Variants in PCDHGA9 observed in about 807,000 individuals in gnomAD.
The protein encoded by PCDHGA9 is protocadherin gamma-A9.
Under a neutral mutation model 62.5 loss-of-function variants are expected in PCDHGA9, and 37 were observed. That is an observed-to-expected ratio of 0.59 (90% CI 0.46 to 0.78). PCDHGA9 has a LOEUF of 0.78. PCDHGA9 is among the 30% of genes least tolerant of loss of function. The pLI, the probability that PCDHGA9 is intolerant of heterozygous loss-of-function variation, is 0.00. For missense variants in PCDHGA9, 1,138 were observed against 1,166.2 expected (o/e 0.98, Z 0.35); for synonymous variants, 459 against 484.6 (o/e 0.95, Z 0.69).
chr5:141,497,919 T>G (rs762168347), intron 2 of PCDHGA9, among the ~76,000 whole-genome samples: 11 of 152,206 alleles, frequency 7.2e-5, no homozygotes, highest in Non-Finnish European at 1.6e-4. Flanking sequence ...TCTCCTTCAT[T>G]CATTCAACAA....
rs187488785 is a variant in PCDHGA9 at position 141,461,744 on chromosome 5, C to T, written c.2425-33063C>T. 5.9e-5 allele frequency among the ~76,000 whole-genome samples: 9 copies of T among 152,302 alleles called. No individual in the cohort carries two copies. The East Asian group carries it at 1.7e-3, about 29-fold the overall frequency. On this transcript the variant is annotated intron_variant, in intron 1 of 3. Transcript: ENST00000573521. ...GGAGTGCAGTGGCACAATCCCGGCT[C>T]CCAGATTCAAGCGATTCTCCTGCCT...
intron 1 of PCDHGA9, among the ~76,000 whole-genome samples, chr5:141,468,079 C>A (rs2099157359): frequency 6.6e-6 from 1 of 151,986 alleles, no homozygotes; most frequent in African/African-American, 2.4e-5. Context: ...AATCCCAGCA[C>A]TTTGGGAGGT....
chr5:141,410,553 C>T, intron 1 of PCDHGA9: 1 of 1,613,232 alleles, frequency 6.2e-7, no homozygotes. Context: ...TGCAGTGTTT[C>T]TCCTGGAGCC....
intron 1 of PCDHGA9, chr5:141,427,922 G>A: frequency 6.3e-7 from 1 of 1,580,742 alleles, no homozygotes; most frequent in Non-Finnish European, 8.6e-7. Flanking sequence ...ACATGAGCCG[G>A]CGCATGTTGG....
intron 1 of PCDHGA9, among the ~76,000 whole-genome samples, chr5:141,468,946 C>T (rs1437282358): frequency 7.0e-6 from 1 of 141,900 alleles, no homozygotes; most frequent in East Asian, 2.0e-4. Context: ...ATGGGGTAAA[C>T]CTGTGGTTTT....
At chr5:141,430,595 G>C (rs549786394) in intron 1 of PCDHGA9, 1 of 567,016 alleles carries the variant, frequency 1.8e-6, no homozygotes. Flanking sequence ...CCTTGCACGC[G>C]CCTGAAGCAC....
Position 141,403,672 on chromosome 5 carries a change from G to A in PCDHGA9, c.720G>A (p.Pro240=). Residue 240 remains proline (P), a synonymous_variant, in exon 1 of 4, where the codon CCG becomes CCA. Transcript: ENST00000573521. ...VTVLDTNDNA[P]VFAQRIYRVK... is the part of the protein sequence containing the mutation. ...TGTTGGATACAAATGATAATGCCCC[G>A]GTTTTTGCTCAACGGATTTACCGAG... The A allele has an allele frequency of 6.2e-7, 1 of 1,613,846 alleles. No homozygotes were observed. The highest frequency in any genetic ancestry group is 8.5e-7 in the Non-Finnish European group (1 of 1,179,880).
intron 1 of PCDHGA9, among the ~76,000 whole-genome samples, chr5:141,452,760 G>A (rs920853226): frequency 3.3e-5 from 5 of 152,120 alleles, no homozygotes; most frequent in Non-Finnish European, 7.4e-5. Context: ...AAGGAAGGGA[G>A]GGAGGGAAAA....
rs370503146 is a variant in PCDHGA9 at position 141,511,012 on chromosome 5, G to A, written c.2638G>A (p.Gly880Arg). 11 of 1,614,060 alleles carry A rather than the reference G, an allele frequency of 6.8e-6. No individual in the cohort carries two copies. Among genetic ancestry groups the A allele is most frequent in the Middle Eastern group, 1.6e-4 (1 of 6,084 alleles). ...AGTMGLSARYGPQFTLQHVPD... is the reference protein window; with the variant it reads ...AGTMGLSARYRPQFTLQHVPD... The stretch of plus-strand genomic sequence containing the variant: ...CACCATGGGATTGAGCGCCCGCTAC[G>A]GACCCCAGTTCACCCTGCAGCACGT... The change falls in exon 4 of 4, where the codon GGA (glycine) becomes AGA (arginine). Residue 880 changes from glycine (G) to arginine (R), a missense_variant. Transcript: ENST00000573521.
At chr5:141,434,489 C>T (rs921000136) in intron 1 of PCDHGA9, among the ~76,000 whole-genome samples, 4 of 152,158 alleles carry the variant, frequency 2.6e-5, no homozygotes, top group Non-Finnish European at 4.4e-5. Flanking sequence ...ACACCTGGCC[C>T]GCCCAGGGCA....
intron 1 of PCDHGA9, among the ~76,000 whole-genome samples, chr5:141,445,652 A>C (rs1307606419): frequency 6.6e-6 from 1 of 152,212 alleles, no homozygotes; most frequent in African/African-American, 2.4e-5. Context: ...TGAATAGATT[A>C]ATAGGATGAG....
At chr5:141,450,810 AT>A (rs755484062) in intron 1 of PCDHGA9, among the ~76,000 whole-genome samples, 1 of 136,728 alleles carries the variant, frequency 7.3e-6, no homozygotes, top group Admixed American at 7.3e-5. Context: ...TTATTTATTT[AT>A]TTAATATTAT....
chr5:141,442,650 G>A (rs192694987), intron 1 of PCDHGA9, among the ~76,000 whole-genome samples: 83 of 152,350 alleles, frequency 5.4e-4, no homozygotes, highest in Admixed American at 9.1e-4. Flanking sequence ...CCTAAGATGA[G>A]AAATATTTGG....
chr5:141,415,761 T>A (rs1047830043), intron 1 of PCDHGA9: 2 of 1,399,648 alleles, frequency 1.4e-6, no homozygotes, highest in African/African-American at 3.0e-5. Context: ...TTTTTTTTTT[T>A]TTTTTTTTTT....
chr5:141,501,836 T>G (rs2099811283), intron 2 of PCDHGA9, among the ~76,000 whole-genome samples: 1 of 152,136 alleles, frequency 6.6e-6, no homozygotes, highest in Non-Finnish European at 1.5e-5. Context: ...CCCACCTGTT[T>G]GGCCCTCAAC....
chr5:141,487,826 T>C lies in PCDHGA9; in HGVS notation c.2425-6981T>C, dbSNP rs1321152837. 24 of 1,187,814 alleles carry C rather than the reference T, an allele frequency of 2.0e-5. No homozygotes were observed. The highest frequency in any genetic ancestry group is 2.8e-5 in the Non-Finnish European group (24 of 856,356). The allele number at this position is 1,187,814 out of a possible 1,614,324, so 73.6% of individuals were successfully genotyped here. On this transcript the variant is annotated intron_variant, in intron 1 of 3. Coordinates refer to ENST00000573521, the MANE Select transcript of PCDHGA9 (RefSeq NM_018921.3). The surrounding 1 kb of genome is among the most constrained non-coding windows in gnomAD (Gnocchi z 5.0). ...ACAGTTTAGCATTGGGGGCGGGTCA[T>C]GCCTATATCTGAGTAAGAAATGAAA... is the stretch of plus-strand genomic sequence containing the variant.
At chr5:141,502,291 G>A (rs1346186675) in intron 2 of PCDHGA9, among the ~76,000 whole-genome samples, 1 of 151,370 alleles carries the variant, frequency 6.6e-6, no homozygotes, top group African/African-American at 2.5e-5. Context: ...GCATTTGGTT[G>A]TCACGTCTTT....
Position 141,491,648 on chromosome 5 carries a change from T to A in PCDHGA9, c.2425-3159T>A. 6.2e-7 allele frequency: 1 copy of A among 1,613,834 alleles called. No individual in the cohort carries two copies. Among genetic ancestry groups the A allele is most frequent in the Non-Finnish European group, 8.5e-7 (1 of 1,180,002 alleles). ...GTTCAGCAGCCCACAGCTCTGGCGC[T>A]GGAGCCTGACGCCATCCGGTCCCGC... On this transcript the variant is annotated intron_variant, in intron 1 of 3. Transcript: ENST00000573521. This position sits in a 1 kb window ranked among gnomAD's most constrained non-coding sequence, Gnocchi z 6.9.
Position 141,431,054 on chromosome 5 carries a change from G to A in PCDHGA9, c.2424+25678G>A, listed in dbSNP as rs532584174. 1 of 1,614,198 alleles carries A rather than the reference G, an allele frequency of 6.2e-7. No individual in the cohort carries two copies. Among genetic ancestry groups the A allele is most frequent in the African/African-American group, 1.3e-5 (1 of 75,076 alleles). ...AGACCGGGAGGAGCTCTGTATGGGG[G>A]CCATCAAGTGTCAATTAAATCTAGA... On this transcript the variant is annotated intron_variant, in intron 1 of 3. Transcript: ENST00000573521. This position sits in a 1 kb window ranked among gnomAD's most constrained non-coding sequence, Gnocchi z 4.8.
Sources: gnomAD v4.1 joint callset for allele counts (sites outside exome capture counted in the v4.1 genomes callset) on GRCh38, gnomAD v4.1.1 for gene constraint, Gnocchi (gnomAD v3.1) non-coding constraint, MANE v1.5 for transcripts, NCBI Gene and HGNC (gene_info 2026-07-23, HGNC 2026-07-21) for gene names.